CHST12: variants seen among roughly 807,000 people sequenced by gnomAD.
CHST12 encodes the protein carbohydrate (chondroitin 4) sulfotransferase 12.
A neutral mutation model predicts 27.9 loss-of-function variants in CHST12; 23 were observed. That is an observed-to-expected ratio of 0.82 (90% CI 0.59 to 1.17). CHST12 has a LOEUF of 1.17. Among genes scored for constraint, CHST12 ranks in the 50% most tolerant of loss-of-function variants. CHST12 has a pLI of 0.00. For synonymous variants in CHST12, 322 were observed against 273.0 expected, an observed-to-expected ratio of 1.18 and a Z score of -1.77; for missense variants, 682 against 603.0, an observed-to-expected ratio of 1.13 and a Z score of -1.37.
In CHST12 at chr7:2,439,225, C is replaced by A. The variant is rs1782544213; in HGVS notation, c.*5341C>A. 6.6e-6 allele frequency: 1 copy of A among 152,142 alleles called. No homozygotes were observed. The allele number at this position is 152,142 out of a possible 1,614,324, so 9.4% of individuals were successfully genotyped here. A position where few individuals can be genotyped will look rare whatever the true frequency, so the allele number is the denominator to read the frequency against. On this transcript the variant is annotated 3_prime_UTR_variant, in exon 2 of 2. Transcript: ENST00000618655. ...GGAGTTCCATCAGTGAAGAGAGAAG[C>A]CACGTGACCTGAGGATGCAGGGCAC...
chr7:2,427,505 A>G (rs1782156759), intron 1 of CHST12, among the ~76,000 whole-genome samples: 1 of 151,928 alleles, frequency 6.6e-6, no homozygotes, highest in Non-Finnish European at 1.5e-5. Context: ...TGTCTTGAAA[A>G]AAAAAAAAAA....
intron 1 of CHST12, among the ~76,000 whole-genome samples, chr7:2,422,937 C>T (rs983099252): frequency 2.0e-5 from 3 of 150,526 alleles, no homozygotes; most frequent in South Asian, 2.1e-4. Flanking sequence ...TACACATCCT[C>T]GAGAGGGGTG....
At chr7:2,426,570 T>C (rs1782126970) in intron 1 of CHST12, among the ~76,000 whole-genome samples, 1 of 151,616 alleles carries the variant, frequency 6.6e-6, no homozygotes, top group Admixed American at 6.6e-5. Context: ...GTCCTTGCCT[T>C]GTTCATGATC....
intron 1 of CHST12, among the ~76,000 whole-genome samples, chr7:2,415,652 G>A (rs28778015): frequency 0.2 from 30,420 of 148,406 alleles, 3,282 homozygotes; most frequent in African/African-American, 0.29. Context: ...TCGCTCTGTC[G>A]CCCAGGCTGG....
In CHST12 at chr7:2,439,674, T is replaced by G. The variant is rs1316765539; in HGVS notation, c.*5790T>G. The G allele has an allele frequency of 6.6e-6, 1 of 151,686 alleles. No individual in the cohort carries two copies. The highest frequency in any genetic ancestry group is 6.6e-5 in the Admixed American group (1 of 15,258). 9.4% of individuals were successfully genotyped at this position (151,686 alleles called of 1,614,324 possible). ...GTGGGTGGATCACGAGGTCAGGAGATCAAGACCATCCTGGATAACATGGTG... is the reference window on the plus strand; with the variant it reads ...GTGGGTGGATCACGAGGTCAGGAGAGCAAGACCATCCTGGATAACATGGTG... On this transcript the variant is annotated 3_prime_UTR_variant, in exon 2 of 2. Coordinates refer to ENST00000618655, the MANE Select transcript of CHST12 (RefSeq NM_018641.5).
rs566900280 is a variant in CHST12 at position 2,412,177 on chromosome 7, T to C, written c.-78+8504T>C. ...AATGTGACCGTTAATTACATATTTT[T>C]ATTTGGATATACTGTCAGATATAGT... On this transcript the variant is annotated intron_variant, in intron 1 of 1. Transcript: ENST00000618655. Among the ~76,000 whole-genome samples the C allele has an allele frequency of 1.8e-4, 27 of 152,370 alleles. No homozygotes were observed. The South Asian group carries it at 5.4e-3, about 30-fold the overall frequency.
In CHST12 at chr7:2,443,005, C is replaced by G. The variant is rs1335645187; in HGVS notation, c.*9121C>G. 1 of 151,750 alleles carries G rather than the reference C, an allele frequency of 6.6e-6. No homozygotes were observed. The highest frequency in any genetic ancestry group is 2.4e-5 in the African/African-American group (1 of 41,300). The allele number at this position is 151,750 out of a possible 1,614,324, so 9.4% of individuals were successfully genotyped here. On this transcript the variant is annotated 3_prime_UTR_variant, in exon 2 of 2. Coordinates refer to ENST00000618655, the MANE Select transcript of CHST12 (RefSeq NM_018641.5). ...GGCATGATCTCGGCTCACTGCAACC[C>G]CTGCTTCCTGGGTTCAAGTGGTTCT...
At position 2,433,358 on chromosome 7, in the gene CHST12, AG is replaced by A; in HGVS notation, c.720del (p.Lys240AsnfsTer12). On this transcript the variant is annotated frameshift_variant, in exon 2 of 2. Coordinates refer to ENST00000618655, the MANE Select transcript of CHST12 (RefSeq NM_018641.5). LOFTEE classifies it high-confidence loss of function. This position sits in a 1 kb window ranked among gnomAD's most constrained non-coding sequence, Gnocchi z 6.1. ...AAGGTCAAGCTCAAGAAGTACACCA[AG>A]TTCCTCTTCGTGCGCGACCCCTTCG... ...LMKVKLKKYT[K>X]FLFVRDPFVR... 5 of 1,612,010 alleles carry A rather than the reference AG, an allele frequency of 3.1e-6. No homozygotes were observed. Among genetic ancestry groups the A allele is most frequent in the Non-Finnish European group, 4.2e-6 (5 of 1,179,942 alleles).
intron 1 of CHST12, among the ~76,000 whole-genome samples, chr7:2,431,155 TG>T (rs1462465989): frequency 6.6e-6 from 1 of 152,228 alleles, no homozygotes; most frequent in African/African-American, 2.4e-5. Flanking sequence ...TTTTGCTTTT[TG>T]TATTTTGAGG....
At chr7:2,429,170 ACAC>A (rs1782208558) in intron 1 of CHST12, among the ~76,000 whole-genome samples, 1 of 152,208 alleles carries the variant, frequency 6.6e-6, no homozygotes, top group African/African-American at 2.4e-5. Flanking sequence ...CATTGTCTTT[ACAC>A]AATCCTGAAT....
At chr7:2,423,425 ATGGAGAGACAGCAGCGGGGGCCG>A (rs906851027) in intron 1 of CHST12, among the ~76,000 whole-genome samples, 25 of 152,204 alleles carry the variant, frequency 1.6e-4, no homozygotes, top group African/African-American at 5.5e-4. Context: ...GGTGGGGGCC[ATGGAGAGACAGCAGCGGGGGCCG>A]TGGAGAGACA....
rs1336635494 is a variant in CHST12 at position 2,438,226 on chromosome 7, G to A, written c.*4342G>A. On this transcript the variant is annotated 3_prime_UTR_variant, in exon 2 of 2. Transcript: ENST00000618655. Reference sequence around the variant, plus strand: ...GGGGGGACCTTTCCTGAATGTGTTGGTTCGGCATGGTGACAGGTGTTTCCC... The same window carrying A: ...GGGGGGACCTTTCCTGAATGTGTTGATTCGGCATGGTGACAGGTGTTTCCC... 1 of 152,320 alleles carries A rather than the reference G, an allele frequency of 6.6e-6. No individual in the cohort carries two copies. Among genetic ancestry groups the A allele is most frequent in the African/African-American group, 2.4e-5 (1 of 41,448 alleles). 9.4% of individuals were successfully genotyped at this position (152,320 alleles called of 1,614,324 possible).
intron 1 of CHST12, among the ~76,000 whole-genome samples, chr7:2,431,499 G>C (rs897194827): frequency 6.6e-6 from 1 of 152,226 alleles, no homozygotes; most frequent in Non-Finnish European, 1.5e-5. Flanking sequence ...GAGGGAGTCA[G>C]AGTGTGGACT....
rs1486422863 is a variant in CHST12 at position 2,433,403 on chromosome 7, T to C, written c.764T>C (p.Phe255Ser). 1 of 1,609,640 alleles carries C rather than the reference T, an allele frequency of 6.2e-7. No homozygotes were observed. Among genetic ancestry groups the C allele is most frequent in the East Asian group, 2.2e-5 (1 of 44,864 alleles). ...RDPFVRLISA[F>S]RSKFELENEE... ...CCCTTCGTGCGCCTGATCTCCGCCT[T>C]CCGCAGCAAGTTCGAGCTGGAGAAC... Residue 255 changes from phenylalanine (F) to serine (S), a missense_variant, in exon 2 of 2, where the codon TTC (phenylalanine) becomes TCC (serine). Coordinates refer to ENST00000618655, the MANE Select transcript of CHST12 (RefSeq NM_018641.5). This position sits in a 1 kb window ranked among gnomAD's most constrained non-coding sequence, Gnocchi z 6.1.
rs553363814 is a variant in CHST12 at position 2,438,233 on chromosome 7, A to C, written c.*4349A>C. The C allele has an allele frequency of 1.2e-4, 19 of 152,406 alleles. No individual in the cohort carries two copies. Among genetic ancestry groups the C allele is most frequent in the African/African-American group, 4.1e-4 (17 of 41,542 alleles). 9.4% of individuals were successfully genotyped at this position (152,406 alleles called of 1,614,324 possible). A position where few individuals can be genotyped will look rare whatever the true frequency, so the allele number is the denominator to read the frequency against. ...CCTTTCCTGAATGTGTTGGTTCGGC[A>C]TGGTGACAGGTGTTTCCCTGCGGCA... On this transcript the variant is annotated 3_prime_UTR_variant, in exon 2 of 2. Transcript: ENST00000618655.
chr7:2,442,166 T>G lies in CHST12; in HGVS notation c.*8282T>G, dbSNP rs1237360523. 2 of 152,192 alleles carry G rather than the reference T, an allele frequency of 1.3e-5. No homozygotes were observed. The highest frequency in any genetic ancestry group is 2.9e-5 in the Non-Finnish European group (2 of 68,046). The allele number at this position is 152,192 out of a possible 1,614,324, so 9.4% of individuals were successfully genotyped here. ...ATTTGTCCTTTTGTGTCTGGCTTCT[T>G]CATGTAGTATAATGTCTTCAAGGTT... On this transcript the variant is annotated 3_prime_UTR_variant, in exon 2 of 2. Coordinates refer to ENST00000618655, the MANE Select transcript of CHST12 (RefSeq NM_018641.5).
At chr7:2,421,612 T>C (rs1442038278) in intron 1 of CHST12, among the ~76,000 whole-genome samples, 1 of 152,066 alleles carries the variant, frequency 6.6e-6, no homozygotes, top group Non-Finnish European at 1.5e-5. Flanking sequence ...AATTTTTTTA[T>C]TTTTAGTAGA....
chr7:2,416,973 C>T (rs116596387), intron 1 of CHST12, among the ~76,000 whole-genome samples: 1,611 of 152,256 alleles, frequency 0.011, 32 homozygotes, highest in African/African-American at 0.036. Flanking sequence ...TTTTCTTTTG[C>T]GTAACTTGGT....
Position 2,434,084 on chromosome 7 carries a change from A to C in CHST12, c.*200A>C, listed in dbSNP as rs1175261740. ...AAATGTGGAAGGGAATGCTGGAGTA[A>C]AATATCCCCTCTCCCCTCCGCCCGC... On this transcript the variant is annotated 3_prime_UTR_variant, in exon 2 of 2. Coordinates refer to ENST00000618655, the MANE Select transcript of CHST12 (RefSeq NM_018641.5). 20 of 473,152 alleles carry C rather than the reference A, an allele frequency of 4.2e-5. No homozygotes were observed. The highest frequency in any genetic ancestry group is 7.2e-5 in the Non-Finnish European group (19 of 264,824). 29.3% of individuals were successfully genotyped at this position (473,152 alleles called of 1,614,324 possible).
Sources: gnomAD v4.1 joint callset for allele counts (sites outside exome capture counted in the v4.1 genomes callset) on GRCh38, gnomAD v4.1.1 for gene constraint, Gnocchi (gnomAD v3.1) non-coding constraint, MANE v1.5 for transcripts, NCBI Gene and HGNC (gene_info 2026-07-23, HGNC 2026-07-21) for gene names.